CFAP47: variants seen among roughly 807,000 people sequenced by gnomAD.
The protein encoded by CFAP47 is cilia and flagella associated protein 47, also known as cilia- and flagella-associated protein 47.
CFAP47 carries 29 observed loss-of-function variants against 148.1 expected under a neutral mutation model. That is an observed-to-expected ratio of 0.20 (90% CI 0.15 to 0.27). The LOEUF is 0.27. Among genes scored for constraint, CFAP47 ranks in the 10% least tolerant of loss-of-function variants. The pLI, the probability that CFAP47 is intolerant of heterozygous loss-of-function variation, is 1.00. For missense variants in CFAP47, 1,872 were observed against 1,697.5 expected (o/e 1.10, Z -1.81); for synonymous variants, 664 against 577.3 (o/e 1.15, Z -2.15).
intron 48 of CFAP47, among the ~76,000 whole-genome samples, chrX:36,251,081 C>T (rs782569350): frequency 1.8e-5 from 2 of 110,940 alleles, no homozygotes; most frequent in East Asian, 5.6e-4. Context: ...AGAATATAAG[C>T]ATCATTTGTT....
intron 42 of CFAP47, among the ~76,000 whole-genome samples, chrX:36,196,581 C>T (rs1286298680): frequency 9.0e-6 from 1 of 110,760 alleles, no homozygotes; most frequent in Non-Finnish European, 1.9e-5. Flanking sequence ...AACTTTTGTG[C>T]CAATTCAGTG....
chrX:36,209,163 AT>A (rs1940073445), intron 45 of CFAP47, among the ~76,000 whole-genome samples: 1 of 111,931 alleles, frequency 8.9e-6, no homozygotes, highest in African/African-American at 3.2e-5. Context: ...GAACAAATCT[AT>A]TATACTTTAT....
At chrX:36,029,105 C>G (rs1937253093) in intron 22 of CFAP47, among the ~76,000 whole-genome samples, 1 of 110,579 alleles carries the variant, frequency 9.0e-6, no homozygotes, top group African/African-American at 3.3e-5. Context: ...TTTCCTGGTT[C>G]AATCTTAGAG....
intron 57 of CFAP47, among the ~76,000 whole-genome samples, chrX:36,341,438 G>T (rs1941652590): frequency 9.0e-6 from 1 of 111,226 alleles, no homozygotes; most frequent in Non-Finnish European, 1.9e-5. Flanking sequence ...AAAAACGGGA[G>T]CAGAAATGTA....
chrX:36,060,442 T>G (rs1210578956), intron 26 of CFAP47, among the ~76,000 whole-genome samples: 2 of 111,877 alleles, frequency 1.8e-5, no homozygotes, highest in Non-Finnish European at 3.8e-5. Flanking sequence ...AGAGAGATTT[T>G]GAAATTTCAA....
chrX:36,160,887 T>C, intron 39 of CFAP47, 118 bp downstream of exon 39: 1 of 237,088 alleles, frequency 4.2e-6, no homozygotes, highest in Non-Finnish European at 7.4e-6. Flanking sequence ...TCTCGCTCTG[T>C]GGTCAGGCTG....
chrX:36,285,011 ATGGTTT>A (rs1286866763), intron 50 of CFAP47, among the ~76,000 whole-genome samples: 1 of 111,439 alleles, frequency 9.0e-6, no homozygotes, highest in Non-Finnish European at 1.9e-5. Flanking sequence ...ATGAGGGAGT[ATGGTTT>A]TGGTTATCAT....
At chrX:36,007,634 A>G (rs1050487417) in intron 21 of CFAP47, among the ~76,000 whole-genome samples, 5 of 112,171 alleles carry the variant, frequency 4.5e-5, no homozygotes, top group African/African-American at 1.3e-4. Flanking sequence ...GAAGACTTCC[A>G]TGGGCAAAGG....
chrX:36,014,940 G>T, intron 22 of CFAP47, 28 bp downstream of exon 22: 1 of 290,737 alleles, frequency 3.4e-6, no homozygotes, highest in East Asian at 4.8e-5. Flanking sequence ...ATCAATTGGT[G>T]TGGGTAGGCC....
At chrX:36,074,034 A>G (rs1405377170) in intron 29 of CFAP47, among the ~76,000 whole-genome samples, 1 of 111,692 alleles carries the variant, frequency 9.0e-6, no homozygotes, top group African/African-American at 3.2e-5. Context: ...TGGGCTATTT[A>G]TAGAATTTCT....
chrX:35,999,473 A>G (rs762251683), intron 19 of CFAP47, among the ~76,000 whole-genome samples: 1 of 112,235 alleles, frequency 8.9e-6, no homozygotes, highest in African/African-American at 3.2e-5. Context: ...TATTTAAGGT[A>G]GATGTTGGAT....
intron 34 of CFAP47, 78 bp downstream of exon 34, chrX:36,138,133 G>A: frequency 1.9e-6 from 1 of 518,558 alleles, no homozygotes; most frequent in Non-Finnish European, 3.1e-6. Context: ...TGTATTTTCT[G>A]TAAACAGATT....
At chrX:36,023,945 CT>C (rs1036951157) in intron 22 of CFAP47, among the ~76,000 whole-genome samples, 3 of 112,184 alleles carry the variant, frequency 2.7e-5, no homozygotes, top group Non-Finnish European at 5.6e-5. Flanking sequence ...GCTTGGTGCT[CT>C]CCCCCACTGT....
At chrX:36,005,687 G>A (rs1027693664) in intron 21 of CFAP47, among the ~76,000 whole-genome samples, 1 of 111,857 alleles carries the variant, frequency 8.9e-6, no homozygotes, top group Admixed American at 9.5e-5. Context: ...GCACATGTGT[G>A]CAATGGTGAA....
intron 45 of CFAP47, among the ~76,000 whole-genome samples, chrX:36,225,974 T>G (rs918288642): frequency 1.1e-4 from 12 of 111,963 alleles, no homozygotes; most frequent in Admixed American, 5.7e-4. Context: ...CAGGTTATCA[T>G]TGCAGGCAAT....
chrX:36,337,931 C>T (rs1158871825), intron 57 of CFAP47, among the ~76,000 whole-genome samples: 2 of 95,907 alleles, frequency 2.1e-5, no homozygotes, highest in Non-Finnish European at 4.1e-5. Flanking sequence ...CGGTGTGGCG[C>T]GATCTCGGCT....
At chrX:36,321,209 G>A (rs1556011943) in intron 57 of CFAP47, among the ~76,000 whole-genome samples, 1 of 111,965 alleles carries the variant, frequency 8.9e-6, no homozygotes, top group South Asian at 3.7e-4. Flanking sequence ...AAAAGAGAGA[G>A]AGAGAGATAC....
chrX:36,163,789 T>C (rs958928568), intron 39 of CFAP47, among the ~76,000 whole-genome samples: 1 of 110,932 alleles, frequency 9.0e-6, no homozygotes, highest in Non-Finnish European at 1.9e-5. Context: ...TTTGTATTTG[T>C]AGTAGAGATG....
At chrX:36,306,144 A>C (rs1301596568) in intron 54 of CFAP47, among the ~76,000 whole-genome samples, 4 of 111,853 alleles carry the variant, frequency 3.6e-5, no homozygotes, top group African/African-American at 1.3e-4. Context: ...CTTCAAATTA[A>C]ATTATTTCCA....
Sources: allele counts gnomAD v4.1 joint callset (sites outside exome capture counted in the v4.1 genomes callset), GRCh38; gene constraint gnomAD v4.1.1; transcripts MANE v1.5; gene names NCBI Gene and HGNC (gene_info 2026-07-23, HGNC 2026-07-21).